Variants in LAMA2 observed in about 807,000 individuals in gnomAD.
The protein encoded by LAMA2 is laminin subunit alpha-2.
A neutral mutation model predicts 364.8 loss-of-function variants in LAMA2; 269 were observed. The observed-to-expected ratio is 0.74, with a 90% CI of 0.67 to 0.82. The LOEUF is 0.82. LAMA2 is among the 40% of genes least tolerant of loss of function. The pLI, the probability that LAMA2 is intolerant of heterozygous loss-of-function variation, is 0.00. For missense variants in LAMA2, 3,807 were observed against 3,873.2 expected, an observed-to-expected ratio of 0.98 and a Z score of 0.45; for synonymous variants, 1,379 against 1,370.6, an observed-to-expected ratio of 1.01 and a Z score of -0.14.
chr6:129,483,910 C>G (rs1784474367), intron 55 of LAMA2, among the ~76,000 whole-genome samples: 1 of 152,114 alleles, frequency 6.6e-6, no homozygotes, highest in African/African-American at 2.4e-5. Flanking sequence ...ATTGGTTATT[C>G]ATATGGAAAA....
At chr6:128,911,801 C>T (rs756041764) in intron 1 of LAMA2, among the ~76,000 whole-genome samples, 1 of 152,110 alleles carries the variant, frequency 6.6e-6, no homozygotes, top group Admixed American at 6.6e-5. Flanking sequence ...CCCAGAAGGC[C>T]CTCACTGTTT....
At chr6:129,093,503 A>G (rs1774976746) in intron 3 of LAMA2, among the ~76,000 whole-genome samples, 1 of 152,122 alleles carries the variant, frequency 6.6e-6, no homozygotes, top group Admixed American at 6.5e-5. Context: ...ATATCATTTT[A>G]TCTTAGCCAT....
At chr6:129,083,743 T>G (rs1362225732) in intron 3 of LAMA2, among the ~76,000 whole-genome samples, 1 of 152,196 alleles carries the variant, frequency 6.6e-6, no homozygotes, top group Non-Finnish European at 1.5e-5. Context: ...TCTTTCCTTT[T>G]CAAGATTACA....
intron 34 of LAMA2, among the ~76,000 whole-genome samples, chr6:129,374,666 C>G (rs1250973191): frequency 1.3e-5 from 2 of 151,950 alleles, no homozygotes; most frequent in East Asian, 3.9e-4. Context: ...CAACCTCCAC[C>G]TCCTAGGTTC....
intron 1 of LAMA2, chr6:128,929,970 G>A: frequency 1.5e-6 from 1 of 652,062 alleles, no homozygotes. Context: ...CTCATCCTGC[G>A]GAGGCGATCT....
At chr6:128,910,273 C>G (rs1348904400) in intron 1 of LAMA2, among the ~76,000 whole-genome samples, 4 of 152,232 alleles carry the variant, frequency 2.6e-5, no homozygotes, top group Non-Finnish European at 1.5e-5. Context: ...TTCAGGTACA[C>G]CAATCAGACG....
chr6:129,061,741 C>A (rs1450426158), intron 3 of LAMA2, among the ~76,000 whole-genome samples: 1 of 152,154 alleles, frequency 6.6e-6, no homozygotes, highest in Non-Finnish European at 1.5e-5. Flanking sequence ...ATGCTTCATT[C>A]ATCATAACAA....
intron 1 of LAMA2, among the ~76,000 whole-genome samples, chr6:128,903,886 G>A (rs1777245180): frequency 6.6e-6 from 1 of 152,186 alleles, no homozygotes; most frequent in African/African-American, 2.4e-5. Context: ...TTGGTTTTAA[G>A]AGGCCTGCTG....
chr6:129,363,017 C>T (rs1777554679), intron 32 of LAMA2, among the ~76,000 whole-genome samples: 1 of 152,130 alleles, frequency 6.6e-6, no homozygotes, highest in Non-Finnish European at 1.5e-5. Flanking sequence ...TTTTCAATTA[C>T]TGGAATATTT....
chr6:129,294,456 G>A (rs1171622498), intron 20 of LAMA2, among the ~76,000 whole-genome samples: 2 of 152,134 alleles, frequency 1.3e-5, no homozygotes, highest in South Asian at 2.1e-4. Flanking sequence ...TCTCTAGACA[G>A]TCATTTACCC....
At chr6:128,982,112 G>A (rs1782925216) in intron 1 of LAMA2, among the ~76,000 whole-genome samples, 1 of 152,038 alleles carries the variant, frequency 6.6e-6, no homozygotes, top group African/African-American at 2.4e-5. Context: ...TAAAATACAG[G>A]AAAAGAAACA....
chr6:129,468,939 T>A lies in LAMA2; in HGVS notation c.7300+3650T>A, dbSNP rs550924771. On this transcript the variant is annotated intron_variant, in intron 51 of 64. Transcript: ENST00000421865. ...AATAAGGCACTAACTGAGCCCTAAG[T>A]CCTTTTTTAGTTGAGGGGGTAGGAG... Among the ~76,000 whole-genome samples the A allele has an allele frequency of 4.0e-5, 6 of 151,892 alleles. No individual in the cohort carries two copies. The South Asian group carries it at 1.2e-3, about 32-fold the overall frequency.
intron 12 of LAMA2, among the ~76,000 whole-genome samples, chr6:129,234,945 G>A (rs9388693): frequency 0.062 from 9,493 of 152,106 alleles, 557 homozygotes; most frequent in East Asian, 0.17. Flanking sequence ...ATGAAATCTA[G>A]TAAATTAAGT....
Position 129,026,103 on chromosome 6 carries a change from A to G in LAMA2, c.113-23815A>G, listed in dbSNP as rs1324950751. Among the ~76,000 whole-genome samples the G allele has an allele frequency of 3.3e-5, 5 of 152,294 alleles. No homozygotes were observed. The East Asian group carries it at 9.6e-4, about 29-fold the overall frequency. On this transcript the variant is annotated intron_variant, in intron 1 of 64. Coordinates refer to ENST00000421865, the MANE Select transcript of LAMA2 (RefSeq NM_000426.4). Reference sequence around the variant, plus strand: ...CTTCACTTACTCTCCCTAGACATAGACTATTTTCCGTAAAATATGTTAGTG... The same window carrying G: ...CTTCACTTACTCTCCCTAGACATAGGCTATTTTCCGTAAAATATGTTAGTG...
chr6:128,968,215 G>A (rs1170396292), intron 1 of LAMA2, among the ~76,000 whole-genome samples: 3 of 152,168 alleles, frequency 2.0e-5, no homozygotes, highest in African/African-American at 7.2e-5. Flanking sequence ...TCATGCCCTA[G>A]ATGTAACCAT....
chr6:129,191,369 G>A (rs769583090), intron 11 of LAMA2, among the ~76,000 whole-genome samples: 3 of 152,060 alleles, frequency 2.0e-5, no homozygotes, highest in Non-Finnish European at 2.9e-5. Context: ...TTATCTATAC[G>A]TTATCAACTG....
At chr6:129,138,459 A>ATG (rs1777930849) in intron 4 of LAMA2, among the ~76,000 whole-genome samples, 1 of 152,086 alleles carries the variant, frequency 6.6e-6, no homozygotes, top group East Asian at 1.9e-4. Flanking sequence ...ATAATCCTGT[A>ATG]TGTGTTCATT....
At chr6:129,201,257 C>T (rs1169748642) in intron 12 of LAMA2, among the ~76,000 whole-genome samples, 1 of 152,044 alleles carries the variant, frequency 6.6e-6, no homozygotes, top group Non-Finnish European at 1.5e-5. Context: ...CCTGGCCTTG[C>T]CAAATTGAAA....
At chr6:129,505,451 G>C (rs930025065) in intron 61 of LAMA2, 96 bp downstream of exon 61, 2 of 920,282 alleles carry the variant, frequency 2.2e-6, no homozygotes, top group Non-Finnish European at 3.5e-6. Flanking sequence ...CATGAAAACT[G>C]ATAGGTGAAT....
Sources: gnomAD v4.1 joint callset for allele counts (sites outside exome capture counted in the v4.1 genomes callset) on GRCh38, gnomAD v4.1.1 for gene constraint, MANE v1.5 for transcripts, NCBI Gene and HGNC (gene_info 2026-07-23, HGNC 2026-07-21) for gene names.